The following COL19A1 variants were observed in gnomAD, a reference collection of about 807,000 sequenced individuals.
COL19A1 encodes collagen type XIX alpha 1 chain.
In COL19A1, 159 loss-of-function variants were observed where a neutral mutation model predicts 190.2. The ratio of observed to expected loss-of-function variants is 0.84; its 90% CI spans 0.73 to 0.95. The LOEUF is 0.95. Among genes scored for constraint, COL19A1 ranks in the 40% least tolerant of loss-of-function variants. The pLI is 0.00. For missense variants in COL19A1, 1,418 were observed against 1,431.9 expected (o/e 0.99, Z 0.16); for synonymous variants, 509 against 458.9 (o/e 1.11, Z -1.39).
chr6:69,984,898 G>A (rs1776233380), intron 11 of COL19A1, among the ~76,000 whole-genome samples: 1 of 152,080 alleles, frequency 6.6e-6, no homozygotes, highest in African/African-American at 2.4e-5. Context: ...TATTTCCATA[G>A]GAGATTGATA....
In COL19A1 at chr6:70,209,571, T is replaced by C. The variant is rs1768074674; in HGVS notation, c.*2297T>C. On this transcript the variant is annotated 3_prime_UTR_variant, in exon 51 of 51. Transcript: ENST00000620364. Reference sequence around the variant, plus strand: ...AAATCTTTCTAAATACCATTAAGGCTTGACTGGTTAATTCCTATTTCAAGG... The same window carrying C: ...AAATCTTTCTAAATACCATTAAGGCCTGACTGGTTAATTCCTATTTCAAGG... 1 of 152,224 alleles carries C rather than the reference T, an allele frequency of 6.6e-6. No homozygotes were observed. Among genetic ancestry groups the C allele is most frequent in the Admixed American group, 6.5e-5 (1 of 15,282 alleles). The allele number at this position is 152,224 out of a possible 1,614,324, so 9.4% of individuals were successfully genotyped here. A position where few individuals can be genotyped will look rare whatever the true frequency, so the allele number is the denominator to read the frequency against.
chr6:70,068,420 T>G lies in COL19A1; in HGVS notation c.1171-3T>G. 6.3e-7 allele frequency: 1 copy of G among 1,584,922 alleles called. No homozygotes were observed. Among genetic ancestry groups the G allele is most frequent in the Non-Finnish European group, 8.7e-7 (1 of 1,153,994 alleles). ...ATTAACATGTGTCTCTTTTTCCTCATAGGGTTCCCTGGGGATACAAGGCCC... is the reference window on the plus strand; with the variant it reads ...ATTAACATGTGTCTCTTTTTCCTCAGAGGGTTCCCTGGGGATACAAGGCCC... On this transcript the variant is annotated splice_region_variant and splice_polypyrimidine_tract_variant and intron_variant, in intron 14 of 50. Transcript: ENST00000620364.
intron 4 of COL19A1, among the ~76,000 whole-genome samples, chr6:69,906,193 A>C (rs1325430186): frequency 6.6e-6 from 1 of 152,152 alleles, no homozygotes; most frequent in African/African-American, 2.4e-5. Context: ...TTCAAATAAA[A>C]TGTCTTAGTA....
At chr6:69,909,304 T>A (rs983168814) in intron 4 of COL19A1, among the ~76,000 whole-genome samples, 2 of 152,136 alleles carry the variant, frequency 1.3e-5, no homozygotes, top group Non-Finnish European at 2.9e-5. Context: ...GAAAGAGGTA[T>A]AAGATACGGT....
At chr6:70,182,288 C>T (rs1766223615) in intron 44 of COL19A1, among the ~76,000 whole-genome samples, 3 of 152,052 alleles carry the variant, frequency 2.0e-5, no homozygotes, top group African/African-American at 7.2e-5. Flanking sequence ...AGACCAATCA[C>T]AGCTGTGGTG....
chr6:70,159,147 C>CAAAAAAAAAAAA, intron 34 of COL19A1, among the ~76,000 whole-genome samples: 1 of 135,376 alleles, frequency 7.4e-6, no homozygotes, highest in African/African-American at 2.7e-5. Flanking sequence ...CTAAAAGTAG[C>CAAAAAAAAAAAA]AAAAAAAAAA....
intron 2 of COL19A1, chr6:69,890,411 C>G (rs1223371970): frequency 1.3e-5 from 2 of 152,212 alleles, no homozygotes; most frequent in African/African-American, 4.8e-5. Flanking sequence ...TAATCTCCCT[C>G]CTCCCTACAT....
At chr6:70,055,045 T>A (rs766022464) in intron 14 of COL19A1, among the ~76,000 whole-genome samples, 8 of 152,094 alleles carry the variant, frequency 5.3e-5, no homozygotes, top group Admixed American at 5.2e-4. Flanking sequence ...TATCCAAATA[T>A]AGAGAGAAAT....
intron 27 of COL19A1, among the ~76,000 whole-genome samples, chr6:70,148,942 A>G (rs921939251): frequency 6.6e-6 from 1 of 152,060 alleles, no homozygotes; most frequent in African/African-American, 2.4e-5. Context: ...AAAAAAAGAA[A>G]AGAAAATTAT....
intron 11 of COL19A1, among the ~76,000 whole-genome samples, chr6:70,009,075 G>A (rs770570755): frequency 2.0e-5 from 3 of 151,892 alleles, no homozygotes; most frequent in Non-Finnish European, 4.4e-5. Context: ...GTGAAAGACT[G>A]AACTCTAAGA....
At chr6:69,915,177 T>C (rs2149991463) in intron 4 of COL19A1, among the ~76,000 whole-genome samples, 2 of 152,346 alleles carry the variant, frequency 1.3e-5, no homozygotes, top group East Asian at 3.9e-4. Flanking sequence ...ATGAAATTGC[T>C]AATTACTTAA....
chr6:70,023,207 C>T (rs1345361862), intron 11 of COL19A1, among the ~76,000 whole-genome samples: 3 of 147,394 alleles, frequency 2.0e-5, no homozygotes, highest in Non-Finnish European at 4.4e-5. Context: ...GATCTTGGCT[C>T]ACTGCAACCT....
At chr6:69,992,710 G>A (rs1213381268) in intron 11 of COL19A1, among the ~76,000 whole-genome samples, 1 of 151,764 alleles carries the variant, frequency 6.6e-6, no homozygotes, top group Non-Finnish European at 1.5e-5. Context: ...TATTCTTTTT[G>A]TTGCTACTCT....
At chr6:70,002,790 C>G (rs1777345455) in intron 11 of COL19A1, among the ~76,000 whole-genome samples, 1 of 147,710 alleles carries the variant, frequency 6.8e-6, no homozygotes, top group Non-Finnish European at 1.5e-5. Context: ...AGTGATCTAT[C>G]CATGTTGTTG....
At chr6:70,108,381 G>A (rs1282312594) in intron 16 of COL19A1, among the ~76,000 whole-genome samples, 2 of 152,012 alleles carry the variant, frequency 1.3e-5, no homozygotes, top group African/African-American at 4.8e-5. Context: ...ACATTTGTGT[G>A]CATAGCAATT....
In COL19A1 at chr6:69,961,951, A is replaced by G. The variant is rs111442032; in HGVS notation, c.982-875A>G. Among the ~76,000 whole-genome samples the G allele has an allele frequency of 2.2e-3, 334 of 152,288 alleles. 3 individuals carry two copies. Among genetic ancestry groups the G allele is most frequent in the African/African-American group, 7.7e-3 (319 of 41,554 alleles). On this transcript the variant is annotated intron_variant, in intron 10 of 50. Coordinates refer to ENST00000620364, the MANE Select transcript of COL19A1 (RefSeq NM_001858.6). ...GGTCACCTTGTTGAGGCATTACAGA[A>G]AAAATTCTAGAGATCAGAAACCCTC...
In COL19A1 at chr6:69,921,491, T is replaced by TATATATCATATATATTC. The variant is rs1561998640; in HGVS notation, c.267-6412_267-6411insCATATATATTCATATAT. Among the ~76,000 whole-genome samples, 158 of 113,414 alleles carry TATATATCATATATATTC rather than the reference T, an allele frequency of 1.4e-3. 24 individuals carry two copies. In the Middle Eastern group the frequency reaches 0.05, roughly 36 times the overall value. 74.4% of individuals were successfully genotyped at this position (113,414 alleles called of 152,430 possible). ...ATATTCATATATTCATATATATTCA[T>TATATATCATATATATTC]ATATATTCATATATATTCATATGTA... On this transcript the variant is annotated intron_variant, in intron 4 of 50. Transcript: ENST00000620364.
intron 17 of COL19A1, among the ~76,000 whole-genome samples, chr6:70,123,899 C>T (rs1247342984): frequency 9.4e-5 from 14 of 149,388 alleles, no homozygotes; most frequent in Admixed American, 6.7e-4. Context: ...CAGCATGGCA[C>T]GTGTATACAT....
intron 2 of COL19A1, among the ~76,000 whole-genome samples, chr6:69,895,687 G>A (rs1244575956): frequency 2.0e-5 from 3 of 152,160 alleles, no homozygotes; most frequent in Non-Finnish European, 4.4e-5. Context: ...GCTGGTTGGA[G>A]TTTCTCCAGG....
Sources: allele counts gnomAD v4.1 joint callset (sites outside exome capture counted in the v4.1 genomes callset), GRCh38; gene constraint gnomAD v4.1.1; transcripts MANE v1.5; gene names NCBI Gene and HGNC (gene_info 2026-07-23, HGNC 2026-07-21).